GALNT13: variants seen among roughly 807,000 people sequenced by gnomAD.
GALNT13 encodes UDP-GalNAc:polypeptide N-acetylgalactosaminyltransferase 13.
In GALNT13, 28 loss-of-function variants were observed where a neutral mutation model predicts 64.2. The ratio of observed to expected loss-of-function variants is 0.44; its 90% CI spans 0.32 to 0.60. GALNT13 has a LOEUF of 0.60. Among genes scored for constraint, GALNT13 ranks in the 20% least tolerant of loss-of-function variants. The pLI is 0.05. For synonymous variants in GALNT13, 214 were observed against 224.6 expected, an observed-to-expected ratio of 0.95 and a Z score of 0.42; for missense variants, 577 against 669.8, an observed-to-expected ratio of 0.86 and a Z score of 1.53.
chr2:153,275,832 G>A, the GALNT13 span, among the ~76,000 whole-genome samples: 48 of 151,506 alleles, frequency 3.2e-4, no homozygotes, highest in South Asian at 1.2e-3. Context: ...TAAGGTTGAA[G>A]AACAGAAAAA....
intron 9 of GALNT13, among the ~76,000 whole-genome samples, chr2:154,379,662 C>T (rs1698173388): frequency 6.6e-6 from 1 of 151,960 alleles, no homozygotes; most frequent in Admixed American, 6.6e-5. Flanking sequence ...TATTGAAACT[C>T]AGCATTGGTT....
At chr2:153,534,527 T>C in the GALNT13 span, among the ~76,000 whole-genome samples, 1 of 144,892 alleles carries the variant, frequency 6.9e-6, no homozygotes, top group Non-Finnish European at 1.5e-5. Flanking sequence ...TCTTTCTTTC[T>C]TTTTTTTTTT....
At chr2:154,369,698 A>G (rs1281535018) in intron 9 of GALNT13, among the ~76,000 whole-genome samples, 1 of 152,180 alleles carries the variant, frequency 6.6e-6, no homozygotes, top group African/African-American at 2.4e-5. Context: ...CAGATATTCG[A>G]ATCACAGCAG....
intron 4 of GALNT13, among the ~76,000 whole-genome samples, chr2:154,214,060 A>G (rs1687917194): frequency 6.6e-6 from 1 of 152,166 alleles, no homozygotes; most frequent in Non-Finnish European, 1.5e-5. Context: ...TATAAAACTC[A>G]CCAATGATGT....
At chr2:153,123,984 G>T in the GALNT13 span, among the ~76,000 whole-genome samples, 3 of 152,138 alleles carry the variant, frequency 2.0e-5, no homozygotes, top group African/African-American at 7.2e-5. Flanking sequence ...CTAAGATGAG[G>T]TTATAAAAGA....
At chr2:153,375,681 C>G in the GALNT13 span, among the ~76,000 whole-genome samples, 1 of 152,272 alleles carries the variant, frequency 6.6e-6, no homozygotes, top group Middle Eastern at 3.4e-3. Flanking sequence ...TAGCTAGCCT[C>G]TGATAACAGA....
the GALNT13 span, among the ~76,000 whole-genome samples, chr2:153,105,292 T>C: frequency 6.6e-6 from 1 of 152,030 alleles, no homozygotes; most frequent in Admixed American, 6.6e-5. Flanking sequence ...TCTCAATAGA[T>C]GCAGAAAAGG....
the GALNT13 span, among the ~76,000 whole-genome samples, chr2:153,464,415 G>T: frequency 6.6e-6 from 1 of 152,024 alleles, no homozygotes; most frequent in Non-Finnish European, 1.5e-5. Context: ...GTCTAAGTTT[G>T]AAGATGATTT....
At chr2:153,187,369 A>G in the GALNT13 span, 1 of 152,150 alleles carries the variant, frequency 6.6e-6, no homozygotes, top group East Asian at 1.9e-4. Flanking sequence ...AATGTGGTTC[A>G]TGGAGAATCT....
chr2:154,015,938 G>T (rs147110339), intron 3 of GALNT13, among the ~76,000 whole-genome samples: 1 of 152,070 alleles, frequency 6.6e-6, no homozygotes, highest in Non-Finnish European at 1.5e-5. Flanking sequence ...AATGTTTTAG[G>T]TACAAACTCA....
At chr2:153,277,059 AAG>A in the GALNT13 span, among the ~76,000 whole-genome samples, 1 of 152,100 alleles carries the variant, frequency 6.6e-6, no homozygotes, top group African/African-American at 2.4e-5. Context: ...AAGTAATTTT[AAG>A]TTTTATTTTT....
chr2:153,951,634 TAGG>T (rs1692189664), intron 3 of GALNT13, among the ~76,000 whole-genome samples: 1 of 152,086 alleles, frequency 6.6e-6, no homozygotes, highest in South Asian at 2.1e-4. Context: ...AGGAAGGATG[TAGG>T]AGATGATTTG....
At chr2:154,309,406 A>G (rs1019380677) in intron 9 of GALNT13, among the ~76,000 whole-genome samples, 4 of 152,154 alleles carry the variant, frequency 2.6e-5, no homozygotes, top group African/African-American at 9.7e-5. Context: ...AACAGAATAT[A>G]TGATGCTGGG....
the GALNT13 span, among the ~76,000 whole-genome samples, chr2:153,264,711 A>G: frequency 6.6e-6 from 1 of 152,232 alleles, no homozygotes; most frequent in Non-Finnish European, 1.5e-5. Context: ...CAAAAACCAA[A>G]CACTGCTTGT....
intron 4 of GALNT13, among the ~76,000 whole-genome samples, chr2:154,211,937 C>T (rs1389383773): frequency 6.6e-6 from 1 of 151,770 alleles, no homozygotes; most frequent in Non-Finnish European, 1.5e-5. Flanking sequence ...GGTCATTTCC[C>T]ACAGAGAAAG....
At chr2:154,364,490 G>C (rs1337873342) in intron 9 of GALNT13, among the ~76,000 whole-genome samples, 1 of 152,132 alleles carries the variant, frequency 6.6e-6, no homozygotes, top group Non-Finnish European at 1.5e-5. Context: ...AGAAAGTATA[G>C]CAAATTCATA....
chr2:154,075,043 T>C (rs1700916230), intron 3 of GALNT13, among the ~76,000 whole-genome samples: 2 of 151,856 alleles, frequency 1.3e-5, no homozygotes, highest in African/African-American at 4.8e-5. Flanking sequence ...CTGGAGATCC[T>C]AGCCACAACA....
rs1008827935 is a variant in GALNT13, at chr2:154,242,022, T to C, written c.312-8T>C. On this transcript the variant is annotated splice_region_variant and splice_polypyrimidine_tract_variant and intron_variant, in intron 4 of 12. Coordinates refer to ENST00000392825, the MANE Select transcript of GALNT13 (RefSeq NM_052917.4). ...TTATTAAGATCCCTCTTCTTTTCTC[T>C]TTTTCAGATGTAAGACAAAAGTCTA... The C allele has an allele frequency of 1.9e-6, 3 of 1,555,776 alleles. No individual in the cohort carries two copies. Among genetic ancestry groups the C allele is most frequent in the African/African-American group, 2.8e-5 (2 of 72,278 alleles).
At chr2:154,447,864 A>G (rs944056445) in intron 12 of GALNT13, among the ~76,000 whole-genome samples, 3 of 152,058 alleles carry the variant, frequency 2.0e-5, no homozygotes, top group Non-Finnish European at 4.4e-5. Flanking sequence ...AGAGCAACCA[A>G]TCCTGATACG....
Sources: gnomAD v4.1 joint callset for allele counts (sites outside exome capture counted in the v4.1 genomes callset) on GRCh38, gnomAD v4.1.1 for gene constraint, MANE v1.5 for transcripts, NCBI Gene and HGNC (gene_info 2026-07-23, HGNC 2026-07-21) for gene names.